RNF216: variants seen among roughly 807,000 people sequenced by gnomAD.
The protein encoded by RNF216 is ring finger protein 216.
A neutral mutation model predicts 110.8 loss-of-function variants in RNF216; 72 were observed. The observed-to-expected ratio is 0.65, with a 90% CI of 0.54 to 0.79. RNF216 has a LOEUF of 0.79. RNF216 is among the 30% of genes least tolerant of loss of function. The pLI is 0.00. For synonymous variants in RNF216, 495 were observed against 407.5 expected (o/e 1.21, Z -2.59); for missense variants, 1,342 against 1,141.2 (o/e 1.18, Z -2.54).
chr7:5,712,847 A>G lies in RNF216; in HGVS notation c.1850T>C (p.Met617Thr). ...FGSGKLELSC[M>T]EGSCTCSFPT... ...GAACGAACACGTGCAGCTGCCTTCC[A>G]TGCAGCTGAGCTCCAACTAGAAAAA... The change falls in exon 12 of 17, where the codon ATG becomes ACG. Residue 617 changes from methionine to threonine, a missense_variant. Physicochemically the swap from Met to Thr is moderately conservative, Grantham distance 81. Coordinates refer to ENST00000389902, the MANE Select transcript of RNF216 (RefSeq NM_207111.4). 6.2e-7 allele frequency: 1 copy of G among 1,613,382 alleles called. No individual in the cohort carries two copies. Among genetic ancestry groups the G allele is most frequent in the Non-Finnish European group, 8.5e-7 (1 of 1,179,702 alleles).
At chr7:5,737,539 AT>A (rs1794494966) in intron 5 of RNF216, among the ~76,000 whole-genome samples, 1 of 150,270 alleles carries the variant, frequency 6.7e-6, no homozygotes, top group Admixed American at 6.6e-5. Flanking sequence ...AATAATAATA[AT>A]AATAATAAAT....
intron 13 of RNF216, among the ~76,000 whole-genome samples, chr7:5,667,123 T>A (rs1789580668): frequency 6.6e-6 from 1 of 152,188 alleles, no homozygotes; most frequent in African/African-American, 2.4e-5. Context: ...ACTTTTAAAC[T>A]ATAAACTGTG....
At chr7:5,631,024 A>C (rs931545145) in intron 15 of RNF216, among the ~76,000 whole-genome samples, 1 of 152,086 alleles carries the variant, frequency 6.6e-6, no homozygotes, top group African/African-American at 2.4e-5. Flanking sequence ...AACTGTTCTA[A>C]GGTGTGCTTT....
At chr7:5,749,727 C>T (rs960684179) in intron 3 of RNF216, among the ~76,000 whole-genome samples, 4 of 152,112 alleles carry the variant, frequency 2.6e-5, no homozygotes, top group African/African-American at 4.8e-5. Context: ...AAAAATGAAA[C>T]GAACTCTGAC....
intron 13 of RNF216, among the ~76,000 whole-genome samples, chr7:5,656,001 G>C (rs1788717345): frequency 6.6e-6 from 1 of 152,102 alleles, no homozygotes; most frequent in African/African-American, 2.4e-5. Context: ...GACTACCAGT[G>C]ATCATGCCTG....
At chr7:5,707,320 T>C (rs1792357668) in intron 13 of RNF216, among the ~76,000 whole-genome samples, 3 of 152,234 alleles carry the variant, frequency 2.0e-5, no homozygotes, top group African/African-American at 7.2e-5. Flanking sequence ...AGCAGTTTTT[T>C]ATAGTTTTCA....
rs781118218 is a variant in RNF216, at chr7:5,711,721, A to G, written c.2061+40T>C. On this transcript the variant is annotated intron_variant, in intron 13 of 16. Transcript: ENST00000389902. ...GGCCATGAGGGCAGCCCATAATACC[A>G]TAATTCAATATACATCTAGAAAAAA... The G allele has an allele frequency of 4.5e-6, 7 of 1,550,536 alleles. No homozygotes were observed. The East Asian group carries it at 9.0e-5, about 20-fold the overall frequency.
intron 5 of RNF216, among the ~76,000 whole-genome samples, chr7:5,735,195 G>C (rs937382725): frequency 1.1e-4 from 16 of 152,078 alleles, no homozygotes; most frequent in Admixed American, 6.5e-5. Context: ...AAAACTTCAA[G>C]ACAGGAGTCT....
chr7:5,648,196 C>T (rs1788165789), intron 14 of RNF216, among the ~76,000 whole-genome samples: 1 of 151,702 alleles, frequency 6.6e-6, no homozygotes, highest in Non-Finnish European at 1.5e-5. Flanking sequence ...AACCTCTGCC[C>T]CATAGGTTCA....
intron 15 of RNF216, among the ~76,000 whole-genome samples, chr7:5,627,544 G>A (rs191872281): frequency 6.6e-6 from 1 of 152,230 alleles, no homozygotes; most frequent in Non-Finnish European, 1.5e-5. Context: ...TCAGGAGATA[G>A]AGATCATCCT....
In RNF216 at chr7:5,763,359, G is replaced by A. The variant is rs554580737; in HGVS notation, c.-69-2221C>T. Reference sequence around the variant, plus strand: ...AAAGATTTCTTTGAGGGCTAGGAGCGATGGCTCACACCTGTAATCCCAGCA... The same window carrying A: ...AAAGATTTCTTTGAGGGCTAGGAGCAATGGCTCACACCTGTAATCCCAGCA... On this transcript the variant is annotated intron_variant, in intron 1 of 16. Coordinates refer to ENST00000389902, the MANE Select transcript of RNF216 (RefSeq NM_207111.4). 6.6e-5 allele frequency among the ~76,000 whole-genome samples: 10 copies of A among 152,236 alleles called. No individual in the cohort carries two copies. The East Asian group carries it at 9.6e-4, about 15-fold the overall frequency.
chr7:5,703,033 G>A (rs907240866), intron 13 of RNF216, among the ~76,000 whole-genome samples: 2 of 152,296 alleles, frequency 1.3e-5, no homozygotes, highest in East Asian at 3.9e-4. Flanking sequence ...AAGCTCTTCA[G>A]AGGGACCCAT....
intron 12 of RNF216, among the ~76,000 whole-genome samples, chr7:5,712,404 C>T (rs1369273528): frequency 4.0e-5 from 6 of 150,792 alleles, no homozygotes; most frequent in African/African-American, 1.2e-4. Flanking sequence ...ACTCAGGAGG[C>T]GGAGGTTGTA....
Position 5,778,298 on chromosome 7 carries a change from C to T in RNF216, c.-70+3243G>A, listed in dbSNP as rs181025005. 1.6e-4 allele frequency among the ~76,000 whole-genome samples: 24 copies of T among 152,340 alleles called. No individual in the cohort carries two copies. The East Asian group carries it at 4.2e-3, about 27-fold the overall frequency. On this transcript the variant is annotated intron_variant, in intron 1 of 16. Coordinates refer to ENST00000389902, the MANE Select transcript of RNF216 (RefSeq NM_207111.4). ...GCTCTTCCCCAGCTAAACTACTCTT[C>T]TTCACTGCCTCTTGGACCAAATTAA...
intron 1 of RNF216, among the ~76,000 whole-genome samples, chr7:5,771,549 C>T (rs984313991): frequency 2.6e-5 from 4 of 152,206 alleles, no homozygotes; most frequent in Admixed American, 1.3e-4. Flanking sequence ...GTAATCCCTG[C>T]ACTTTGGAAG....
intron 7 of RNF216, among the ~76,000 whole-genome samples, chr7:5,725,801 G>GACTGCACCACTGC (rs746630882): frequency 7.3e-6 from 1 of 136,810 alleles, no homozygotes; most frequent in South Asian, 2.2e-4. Context: ...AGTGAGCCGA[G>GACTGCACCACTGC]ACTGCACCAC....
rs1329241641 is a variant in RNF216, at chr7:5,754,399, T to C, written c.68-1420A>G. Among the ~76,000 whole-genome samples the C allele has an allele frequency of 5.3e-5, 8 of 152,022 alleles. 1 individual carries two copies. The South Asian group carries it at 1.2e-3, about 24-fold the overall frequency. ...CTGGCCTTGAACTCCTGGCCTCAAG[T>C]GCTCCTCCCACCTCGGCCTCCCAAG... On this transcript the variant is annotated intron_variant, in intron 2 of 16. Transcript: ENST00000389902.
rs889967982 is a variant in RNF216, at chr7:5,622,502, T to G, written c.*358A>C. ...CTCCAGGGAGATGCTCTCGGCTGCC[T>G]TGCTACCCAGGGGTCGGCTCCGAGG... is the stretch of plus-strand genomic sequence containing the variant. On this transcript the variant is annotated 3_prime_UTR_variant, in exon 17 of 17. Coordinates refer to ENST00000389902, the MANE Select transcript of RNF216 (RefSeq NM_207111.4). The G allele has an allele frequency of 4.3e-5, 9 of 207,624 alleles. No homozygotes were observed. The highest frequency in any genetic ancestry group is 8.6e-5 in the Non-Finnish European group (9 of 104,478). 12.9% of individuals were successfully genotyped at this position (207,624 alleles called of 1,614,324 possible). A position where few individuals can be genotyped will look rare whatever the true frequency, so the allele number is the denominator to read the frequency against.
rs114162744 is a variant in RNF216 at position 5,625,385 on chromosome 7, A to G, written c.2383-1260T>C. Reference sequence around the variant, plus strand: ...TTTCCTAGACACGGCGTCAGAGCCTAAATATCTGGCCAATTTCTTTGCTGT... The same window carrying G: ...TTTCCTAGACACGGCGTCAGAGCCTGAATATCTGGCCAATTTCTTTGCTGT... On this transcript the variant is annotated intron_variant, in intron 15 of 16. Coordinates refer to ENST00000389902, the MANE Select transcript of RNF216 (RefSeq NM_207111.4). 6.1e-3 allele frequency among the ~76,000 whole-genome samples: 929 copies of G among 152,318 alleles called. 9 individuals carry two copies. Among genetic ancestry groups the G allele is most frequent in the African/African-American group, 0.021 (853 of 41,568 alleles).
Sources: allele counts gnomAD v4.1 joint callset (sites outside exome capture counted in the v4.1 genomes callset), GRCh38; gene constraint gnomAD v4.1.1; transcripts MANE v1.5; gene names NCBI Gene and HGNC (gene_info 2026-07-23, HGNC 2026-07-21).